CHD7: variants seen among roughly 807,000 people sequenced by gnomAD.
CHD7 encodes the protein ATP-dependent chromatin remodeler CHD7.
CHD7 carries 24 observed loss-of-function variants against 307.3 expected under a neutral mutation model. That is an observed-to-expected ratio of 0.08 (90% CI 0.06 to 0.11). CHD7 has a LOEUF of 0.11. Among genes scored for constraint, CHD7 ranks in the 10% least tolerant of loss-of-function variants. The pLI, the probability that CHD7 is intolerant of heterozygous loss-of-function variation, is 1.00. For synonymous variants in CHD7, 1,363 were observed against 1,349.9 expected, an observed-to-expected ratio of 1.01 and a Z score of -0.21; for missense variants, 3,106 against 3,727.1, an observed-to-expected ratio of 0.83 and a Z score of 4.34.
intron 13 of CHD7, among the ~76,000 whole-genome samples, chr8:60,828,075 C>A (rs1393801256): frequency 6.6e-6 from 1 of 151,816 alleles, no homozygotes; most frequent in East Asian, 1.9e-4. Context: ...TAAAGAAATA[C>A]CTAACTTGGT....
chr8:60,690,597 A>T (rs1488545163), intron 1 of CHD7, among the ~76,000 whole-genome samples: 3 of 152,220 alleles, frequency 2.0e-5, no homozygotes, highest in Non-Finnish European at 4.4e-5. Flanking sequence ...GGCCAGCAGG[A>T]TAAGGAAAAC....
At chr8:60,755,879 T>A (rs7838426) in intron 2 of CHD7, among the ~76,000 whole-genome samples, 124,540 of 152,136 alleles carry the variant, frequency 0.82, 51,282 homozygotes, top group East Asian at 0.94. Context: ...TTTGCCGTGT[T>A]CTTTGATATC....
chr8:60,759,213 G>C (rs1810039969), intron 2 of CHD7, among the ~76,000 whole-genome samples: 1 of 152,156 alleles, frequency 6.6e-6, no homozygotes, highest in East Asian at 1.9e-4. Flanking sequence ...ATCTAACTGT[G>C]TTTGGGAGTG....
Position 60,678,792 on chromosome 8 carries a change from G to C in CHD7, c.-465G>C, listed in dbSNP as rs1805403662. On this transcript the variant is annotated 5_prime_UTR_variant, in exon 1 of 38. Coordinates refer to ENST00000423902, the MANE Select transcript of CHD7 (RefSeq NM_017780.4). Reference sequence around the variant, plus strand: ...GGCGGCGGCGGCGGCGGCGGCGGCAGCGGCGGCGGCGGCGGCGGCGCGGGG... The same window carrying C: ...GGCGGCGGCGGCGGCGGCGGCGGCACCGGCGGCGGCGGCGGCGGCGCGGGG... The C allele has an allele frequency of 7.1e-6, 1 of 141,532 alleles. No homozygotes were observed. Among genetic ancestry groups the C allele is most frequent in the Non-Finnish European group, 1.6e-5 (1 of 64,322 alleles). 8.8% of individuals were successfully genotyped at this position (141,532 alleles called of 1,614,324 possible). A position where few individuals can be genotyped will look rare whatever the true frequency, so the allele number is the denominator to read the frequency against.
Position 60,848,496 on chromosome 8 carries a change from CCT to C in CHD7, c.5211-16_5211-15del, listed in dbSNP as rs771116507. ...TCCTGAAGTTAAGAACTTTTTCCCCCCTCTGTCTTCCTCTCCAGGGTCCTGCT... is the reference window on the plus strand; with the variant it reads ...TCCTGAAGTTAAGAACTTTTTCCCCCCTGTCTTCCTCTCCAGGGTCCTGCT... On this transcript the variant is annotated splice_polypyrimidine_tract_variant and intron_variant, in intron 23 of 37. Coordinates refer to ENST00000423902, the MANE Select transcript of CHD7 (RefSeq NM_017780.4). The C allele has an allele frequency of 3.7e-5, 59 of 1,594,880 alleles. No homozygotes were observed. The highest frequency in any genetic ancestry group is 4.5e-5 in the Non-Finnish European group (52 of 1,166,556).
At chr8:60,780,952 A>G in intron 2 of CHD7, 48 bp from the exon 3 acceptor site, 2 of 1,456,384 alleles carry the variant, frequency 1.4e-6, no homozygotes, top group Non-Finnish European at 1.8e-6. Context: ...TCTTTTCTTT[A>G]CTGTGAAGAA....
intron 7 of CHD7, among the ~76,000 whole-genome samples, chr8:60,810,814 G>A (rs919243836): frequency 8.6e-5 from 13 of 152,026 alleles, no homozygotes; most frequent in African/African-American, 2.9e-4. Flanking sequence ...TATTTCAGGG[G>A]TCCCCAGTCC....
At chr8:60,830,163 T>C (rs1309390362) in intron 14 of CHD7, among the ~76,000 whole-genome samples, 159 bp from the exon 15 acceptor site, 3 of 152,236 alleles carry the variant, frequency 2.0e-5, no homozygotes, top group African/African-American at 7.2e-5. Flanking sequence ...GCACTGCTCT[T>C]ATGAAAGCTG....
At chr8:60,843,507 G>A (rs541969907) in intron 21 of CHD7, among the ~76,000 whole-genome samples, 5 of 152,182 alleles carry the variant, frequency 3.3e-5, no homozygotes, top group Non-Finnish European at 5.9e-5. Context: ...ACACCTATGT[G>A]CTAGGCACTG....
chr8:60,736,997 T>C (rs1808745441), intron 1 of CHD7, among the ~76,000 whole-genome samples: 1 of 152,112 alleles, frequency 6.6e-6, no homozygotes, highest in Non-Finnish European at 1.5e-5. Flanking sequence ...AAAATAAATT[T>C]AATAAGTAAA....
chr8:60,740,809 T>A (rs1451077547), intron 1 of CHD7, among the ~76,000 whole-genome samples: 2 of 152,224 alleles, frequency 1.3e-5, no homozygotes, highest in African/African-American at 4.8e-5. Context: ...CTGTTGCTCA[T>A]CTGATTACAC....
chr8:60,798,078 T>C (rs1232687196), intron 4 of CHD7, among the ~76,000 whole-genome samples: 1 of 152,216 alleles, frequency 6.6e-6, no homozygotes, highest in African/African-American at 2.4e-5. Context: ...ACAAAATTAC[T>C]TGTCCAAGGT....
At chr8:60,816,321 G>T in intron 7 of CHD7, 66 bp from the exon 8 acceptor site, 2 of 927,700 alleles carry the variant, frequency 2.2e-6, no homozygotes, top group South Asian at 3.2e-5. Flanking sequence ...TGACTTTTTT[G>T]AATAAGACAT....
At chr8:60,747,140 G>A (rs759676295) in intron 2 of CHD7, among the ~76,000 whole-genome samples, 1 of 152,092 alleles carries the variant, frequency 6.6e-6, no homozygotes, top group Non-Finnish European at 1.5e-5. Flanking sequence ...GCAGTGGCGC[G>A]TTCTTGGCTC....
chr8:60,857,667 C>T (rs1229851688), intron 34 of CHD7, among the ~76,000 whole-genome samples: 2 of 152,132 alleles, frequency 1.3e-5, no homozygotes, highest in African/African-American at 2.4e-5. Flanking sequence ...CTCCAGGAAG[C>T]CTTCCAGGTA....
At chr8:60,862,436 C>A in intron 36 of CHD7, 100 bp downstream of exon 36, 1 of 1,477,892 alleles carries the variant, frequency 6.8e-7, no homozygotes, top group Non-Finnish European at 9.1e-7. Flanking sequence ...ATCCTGTCTG[C>A]CCGAATGCGT....
At chr8:60,738,621 T>G (rs1808828030) in intron 1 of CHD7, among the ~76,000 whole-genome samples, 1 of 152,186 alleles carries the variant, frequency 6.6e-6, no homozygotes, top group African/African-American at 2.4e-5. Flanking sequence ...ATTAATTAGA[T>G]TATCTCAAAT....
chr8:60,693,714 C>G (rs1358107194), intron 1 of CHD7, among the ~76,000 whole-genome samples: 5 of 152,226 alleles, frequency 3.3e-5, no homozygotes, highest in Admixed American at 2.6e-4. Context: ...CCCATGGTAG[C>G]TTTATTATGG....
intron 19 of CHD7, among the ~76,000 whole-genome samples, chr8:60,840,259 C>A (rs1452207889): frequency 6.6e-6 from 1 of 152,104 alleles, no homozygotes; most frequent in Non-Finnish European, 1.5e-5. Context: ...GTTTTGAGAC[C>A]CACATCTTCT....
Sources: allele counts gnomAD v4.1 joint callset (sites outside exome capture counted in the v4.1 genomes callset), GRCh38; gene constraint gnomAD v4.1.1; transcripts MANE v1.5; gene names NCBI Gene and HGNC (gene_info 2026-07-23, HGNC 2026-07-21).